Variants in PDE1C observed in about 807,000 individuals in gnomAD.
PDE1C encodes the protein dual specificity calcium/calmodulin-dependent 3',5'-cyclic nucleotide phosphodiesterase 1C.
Under a neutral mutation model 93.1 loss-of-function variants are expected in PDE1C, and 62 were observed. The observed-to-expected ratio is 0.67, with a 90% CI of 0.54 to 0.82. The LOEUF is 0.82. Among genes scored for constraint, PDE1C ranks in the 40% least tolerant of loss-of-function variants. The probability of loss-of-function intolerance (pLI) is 0.00; values close to 1 mark genes in which losing one functional copy is unlikely to be tolerated. For synonymous variants in PDE1C, 325 were observed against 310.1 expected, an observed-to-expected ratio of 1.05 and a Z score of -0.50; for missense variants, 742 against 884.6, an observed-to-expected ratio of 0.84 and a Z score of 2.04.
chr7:31,627,351 A>G, the PDE1C span, among the ~76,000 whole-genome samples: 3 of 152,224 alleles, frequency 2.0e-5, no homozygotes, highest in Admixed American at 1.3e-4. Context: ...GATATTCTTT[A>G]GAGAATCATC....
chr7:32,200,846 G>C (rs1804957003), intron 2 of PDE1C, among the ~76,000 whole-genome samples: 1 of 152,300 alleles, frequency 6.6e-6, no homozygotes, highest in African/African-American at 2.4e-5. Flanking sequence ...GCATCACATT[G>C]CAAGAAGAGC....
At chr7:31,879,432 T>G in intron 3 of PDE1C, 1 of 427,804 alleles carries the variant, frequency 2.3e-6, no homozygotes. Flanking sequence ...ACTGGTCCAT[T>G]GTACCCAGAA....
chr7:32,100,294 A>C (rs907034452), intron 3 of PDE1C, among the ~76,000 whole-genome samples: 3 of 152,212 alleles, frequency 2.0e-5, no homozygotes, highest in African/African-American at 7.2e-5. Flanking sequence ...AAGTGGAATA[A>C]ATTCTGCTAT....
rs550496388 is a variant in PDE1C, at chr7:31,826,199, GT to G, written c.1286-1213del. Among the ~76,000 whole-genome samples the G allele has an allele frequency of 1.9e-3, 286 of 152,276 alleles. 2 individuals are homozygous for G. Among genetic ancestry groups the G allele is most frequent in the African/African-American group, 6.4e-3 (268 of 41,568 alleles). On this transcript the variant is annotated intron_variant, in intron 12 of 17. Coordinates refer to ENST00000396191, the MANE Select transcript of PDE1C (RefSeq NM_001191057.4). ...TTGTCCATTCTCCTTCGAAGGGCAT[GT>G]TTGGAAATGTATGAATGCATATTTA...
intron 1 of PDE1C, among the ~76,000 whole-genome samples, chr7:32,246,803 G>A (rs1378030061): frequency 6.6e-6 from 1 of 152,152 alleles, no homozygotes; most frequent in Non-Finnish European, 1.5e-5. Flanking sequence ...ACTGTTATGA[G>A]AACAAAATAA....
At chr7:31,837,388 T>C (rs1791254873) in intron 10 of PDE1C, 88 bp from the exon 11 acceptor site, 1 of 1,260,864 alleles carries the variant, frequency 7.9e-7, no homozygotes. Flanking sequence ...GTTTTTAATC[T>C]CTTTTGTTCT....
the PDE1C span, among the ~76,000 whole-genome samples, chr7:31,635,607 C>T: frequency 2.0e-5 from 3 of 152,136 alleles, no homozygotes; most frequent in Non-Finnish European, 1.5e-5. Flanking sequence ...ACTCTTTCTA[C>T]CTTTTAGGGA....
the PDE1C span, among the ~76,000 whole-genome samples, chr7:31,668,734 A>G: frequency 6.6e-6 from 1 of 152,170 alleles, no homozygotes; most frequent in Non-Finnish European, 1.5e-5. Flanking sequence ...GGGGATGATG[A>G]AAATATTATG....
intron 1 of PDE1C, among the ~76,000 whole-genome samples, chr7:32,067,105 T>A (rs1330423953): frequency 2.0e-5 from 3 of 152,036 alleles, no homozygotes; most frequent in African/African-American, 7.3e-5. Context: ...CACCTGGGCT[T>A]GCAGGTGTCT....
intron 16 of PDE1C, among the ~76,000 whole-genome samples, chr7:31,777,155 A>G (rs962589485): frequency 2.0e-5 from 3 of 151,938 alleles, no homozygotes; most frequent in African/African-American, 7.3e-5. Flanking sequence ...AAAAAAAGAA[A>G]GAAACAATTA....
intron 1 of PDE1C, among the ~76,000 whole-genome samples, chr7:32,422,006 C>G (rs1169322386): frequency 6.6e-6 from 1 of 152,144 alleles, no homozygotes; most frequent in East Asian, 1.9e-4. Context: ...GAGCCCGAGA[C>G]TTTTCTGCCT....
intron 3 of PDE1C, among the ~76,000 whole-genome samples, chr7:32,115,070 T>C (rs1798911100): frequency 6.6e-6 from 1 of 152,148 alleles, no homozygotes; most frequent in Admixed American, 6.5e-5. Flanking sequence ...TCCTCAAGGA[T>C]CTAGAACCAG....
chr7:31,687,314 C>T, the PDE1C span: 1 of 152,366 alleles, frequency 6.6e-6, no homozygotes, highest in South Asian at 2.1e-4. Context: ...TTGGTAAGTG[C>T]TTCAGATTTT....
the PDE1C span, among the ~76,000 whole-genome samples, chr7:31,639,741 T>C: frequency 1.3e-5 from 2 of 152,016 alleles, no homozygotes; most frequent in Non-Finnish European, 2.9e-5. Context: ...TTTCACTGTG[T>C]TAGCCAGGCT....
At chr7:32,197,557 T>C (rs557066456) in intron 2 of PDE1C, among the ~76,000 whole-genome samples, 9 of 152,300 alleles carry the variant, frequency 5.9e-5, no homozygotes, top group East Asian at 1.9e-4. Flanking sequence ...CAAATGTCCA[T>C]TGACTGAGGA....
intron 16 of PDE1C, among the ~76,000 whole-genome samples, chr7:31,779,426 C>G (rs997439173): frequency 6.6e-6 from 1 of 152,166 alleles, no homozygotes; most frequent in African/African-American, 2.4e-5. Flanking sequence ...CTTCCAAAAG[C>G]CTGCAGCTTG....
intron 11 of PDE1C, among the ~76,000 whole-genome samples, chr7:31,836,610 G>A (rs1791142616): frequency 6.6e-6 from 1 of 152,082 alleles, no homozygotes; most frequent in Admixed American, 6.5e-5. Flanking sequence ...TGCAATTACA[G>A]GCATGAGCCA....
intron 3 of PDE1C, among the ~76,000 whole-genome samples, chr7:32,138,761 T>G (rs1800347869): frequency 6.6e-6 from 1 of 152,212 alleles, no homozygotes. Flanking sequence ...GACAAATAAC[T>G]TACAGTGAAA....
upstream of PDE1C, among the ~76,000 whole-genome samples, chr7:32,072,757 G>A (rs1332648045): frequency 6.6e-6 from 1 of 152,144 alleles, no homozygotes; most frequent in Admixed American, 6.5e-5. Context: ...GAAAACTGAA[G>A]CACCAGGAGG....
Sources: gnomAD v4.1 joint callset for allele counts (sites outside exome capture counted in the v4.1 genomes callset) on GRCh38, gnomAD v4.1.1 for gene constraint, MANE v1.5 for transcripts, NCBI Gene and HGNC (gene_info 2026-07-23, HGNC 2026-07-21) for gene names.